GPATCH1: variants seen among roughly 807,000 people sequenced by gnomAD.
The protein encoded by GPATCH1 is G-patch domain containing 1, also known as G patch domain-containing protein 1.
GPATCH1 carries 73 observed loss-of-function variants against 114.9 expected under a neutral mutation model. That is an observed-to-expected ratio of 0.64 (90% confidence interval 0.53 to 0.77). GPATCH1 has a LOEUF of 0.77. GPATCH1 is among the 30% of genes least tolerant of loss of function. The pLI, the probability that GPATCH1 is intolerant of heterozygous loss-of-function variation, is 0.00. For synonymous variants in GPATCH1, 391 were observed against 428.4 expected, an observed-to-expected ratio of 0.91 and a Z score of 1.08; for missense variants, 1,058 against 1,144.3, an observed-to-expected ratio of 0.92 and a Z score of 1.09.
At chr19:33,118,176 ATTTTTT>A (rs35859593) in intron 16 of GPATCH1, 135 bp downstream of exon 16, 51 of 277,636 alleles carry the variant, frequency 1.8e-4, no homozygotes, top group East Asian at 9.0e-4. Context: ...TATGTATATA[ATTTTTT>A]TTTTTTTTTT....
rs1049550031 is a variant in GPATCH1, at chr19:33,090,685, T to C, written c.209-95T>C. 12 of 731,808 alleles carry C rather than the reference T, an allele frequency of 1.6e-5. No individual in the cohort carries two copies. In the African/African-American group the frequency reaches 1.7e-4, roughly 11 times the overall value. 45.3% of individuals were successfully genotyped at this position (731,808 alleles called of 1,614,324 possible). A position where few individuals can be genotyped will look rare whatever the true frequency, so the allele number is the denominator to read the frequency against. ...GGAAGTAGCTAAGAGTTTATAGTTA[T>C]TGGGAATTTCAAGTCCATACATGTT... On this transcript the variant is annotated intron_variant, in intron 2 of 19. Coordinates refer to ENST00000170564, the MANE Select transcript of GPATCH1 (RefSeq NM_018025.3).
At chr19:33,112,007 C>T in intron 12 of GPATCH1, 105 bp downstream of exon 12, 1 of 859,746 alleles carries the variant, frequency 1.2e-6, no homozygotes, top group Non-Finnish European at 1.8e-6. Context: ...TCTCTGTCGC[C>T]CAGGCTAGAG....
Position 33,114,354 on chromosome 19 carries a change from AAAC to A in GPATCH1, c.2136_2138del (p.Gln713del). On this transcript the variant is annotated inframe_deletion, in exon 15 of 20. Coordinates refer to ENST00000170564, the MANE Select transcript of GPATCH1 (RefSeq NM_018025.3). ...GGCTAGATCAAAAGCCGAGCCACCT[AAAC>A]AACAGTCCAGCCCCTTAGTAAACAA... 5 of 1,613,612 alleles carry A rather than the reference AAAC, an allele frequency of 3.1e-6. No individual in the cohort carries two copies. The highest frequency in any genetic ancestry group is 4.2e-6 in the Non-Finnish European group (5 of 1,179,734).
intron 6 of GPATCH1, 73 bp downstream of exon 6, chr19:33,095,893 G>A (rs1972652541): frequency 9.0e-7 from 1 of 1,109,438 alleles, no homozygotes; most frequent in Admixed American, 1.7e-5. Flanking sequence ...AAATTTGGTT[G>A]GAGACAATTT....
chr19:33,101,586 T>C lies in GPATCH1; in HGVS notation c.1080+12T>C, dbSNP rs773268899. ...TATCTTCTAAGAAAGTAAGAAAAAC[T>C]TTTTTTCTTTCTTTTTTTACTGGTT... On this transcript the variant is annotated intron_variant, in intron 9 of 19. Transcript: ENST00000170564. The C allele has an allele frequency of 4.3e-6, 6 of 1,388,774 alleles. No homozygotes were observed. Among genetic ancestry groups the C allele is most frequent in the Admixed American group, 1.8e-5 (1 of 56,432 alleles). 86.0% of individuals were successfully genotyped at this position (1,388,774 alleles called of 1,614,324 possible).
chr19:33,089,226 G>A (rs1599850500), intron 2 of GPATCH1, among the ~76,000 whole-genome samples: 1 of 152,178 alleles, frequency 6.6e-6, no homozygotes, highest in South Asian at 2.1e-4. Context: ...GAGGGCAGGT[G>A]TCACAGGGAT....
At chr19:33,125,620 C>T (rs10405757) in intron 18 of GPATCH1, among the ~76,000 whole-genome samples, 6 of 151,694 alleles carry the variant, frequency 4.0e-5, no homozygotes, top group Admixed American at 2.6e-4. Flanking sequence ...TCCTGACCTC[C>T]GGTGATCTAC....
At position 33,093,372 on chromosome 19, in the gene GPATCH1, T is replaced by C; in HGVS notation, c.308T>C (p.Phe103Ser). The change falls in exon 4 of 20, where the codon TTT becomes TCT. Residue 103 changes from phenylalanine (F) to serine (S), a missense_variant. Physicochemically the swap from Phe to Ser is radical, Grantham distance 155. Around this residue, in one of 3 missense-constraint regions of GPATCH1, gnomAD observed 34 missense variants for 59.6 expected, o/e 0.57. Coordinates refer to ENST00000170564, the MANE Select transcript of GPATCH1 (RefSeq NM_018025.3). Reference sequence around the variant, plus strand: ...ATTTTTTTGAAGGATCTTAGTGAATTTGGGATAGCACCTAAAGCGATTGTC... The same window carrying C: ...ATTTTTTTGAAGGATCTTAGTGAATCTGGGATAGCACCTAAAGCGATTGTC... ...DFMDEEDLSEFGIAPKAIVTT... is the reference protein window; with the variant it reads ...DFMDEEDLSESGIAPKAIVTT... 1.2e-6 allele frequency: 2 copies of C among 1,611,406 alleles called. No homozygotes were observed. The highest frequency in any genetic ancestry group is 1.1e-5 in the South Asian group (1 of 90,778).
intron 8 of GPATCH1, among the ~76,000 whole-genome samples, chr19:33,100,644 G>T: frequency 6.6e-6 from 1 of 150,460 alleles, no homozygotes; most frequent in Non-Finnish European, 1.5e-5. Flanking sequence ...GAATGGTTTT[G>T]TGGGGAGGGG....
At chr19:33,088,981 C>T (rs1475672405) in intron 2 of GPATCH1, among the ~76,000 whole-genome samples, 1 of 152,112 alleles carries the variant, frequency 6.6e-6, no homozygotes, top group Non-Finnish European at 1.5e-5. Flanking sequence ...ACTGTAACCT[C>T]TTGTGTTCTT....
intron 17 of GPATCH1, among the ~76,000 whole-genome samples, chr19:33,119,886 A>G (rs1972957698): frequency 1.4e-5 from 2 of 147,052 alleles, no homozygotes; most frequent in Middle Eastern, 3.6e-3. Context: ...ATAAAATTTT[A>G]TAAAAATATA....
intron 17 of GPATCH1, among the ~76,000 whole-genome samples, chr19:33,120,292 T>TAAA (rs1568350186): frequency 6.7e-5 from 9 of 135,198 alleles, no homozygotes; most frequent in Non-Finnish European, 1.1e-4. Context: ...AAAAATTATA[T>TAAA]ATAAAATTAT....
intron 15 of GPATCH1, among the ~76,000 whole-genome samples, chr19:33,115,254 T>TTC (rs1972905227): frequency 9.1e-6 from 1 of 110,018 alleles, no homozygotes; most frequent in East Asian, 3.0e-4. Flanking sequence ...TTTTTTTTTT[T>TTC]TTCAGAGAAA....
intron 11 of GPATCH1, among the ~76,000 whole-genome samples, chr19:33,111,483 C>T (rs1972853196): frequency 1.3e-5 from 2 of 151,806 alleles, no homozygotes. Flanking sequence ...CCTCGGCCTC[C>T]CAAAGTGCTG....
chr19:33,121,001 A>T (rs1038978780), intron 17 of GPATCH1, among the ~76,000 whole-genome samples: 31 of 152,094 alleles, frequency 2.0e-4, no homozygotes, highest in African/African-American at 3.9e-4. Context: ...AAAAATAAAT[A>T]AATTAATTAA....
chr19:33,115,552 T>C lies in GPATCH1; in HGVS notation c.2196+1133T>C, dbSNP rs1972908262. On this transcript the variant is annotated intron_variant, in intron 15 of 19. Coordinates refer to ENST00000170564, the MANE Select transcript of GPATCH1 (RefSeq NM_018025.3). Reference sequence around the variant, plus strand: ...TCTTCTTGCCCAGGCTGGAGTACAATGGCACTGTCTCGGCTCACCGCAACC... The same window carrying C: ...TCTTCTTGCCCAGGCTGGAGTACAACGGCACTGTCTCGGCTCACCGCAACC... 2.0e-5 allele frequency among the ~76,000 whole-genome samples: 3 copies of C among 151,556 alleles called. No individual in the cohort carries two copies. In the South Asian group the frequency reaches 6.3e-4, roughly 32 times the overall value.
In GPATCH1 at chr19:33,126,667, CCG is replaced by C; in HGVS notation, c.2700_2701del (p.Asp901GlnfsTer7). On this transcript the variant is annotated frameshift_variant, in exon 19 of 20. Coordinates refer to ENST00000170564, the MANE Select transcript of GPATCH1 (RefSeq NM_018025.3). LOFTEE classifies it high-confidence loss of function. Reference sequence around the variant, plus strand: ...GAGAAAAGTAGTAGCTCCGAGAGTTCCGACAGCAGCGACAGCCAGAGTGACGA... The same window carrying C: ...GAGAAAAGTAGTAGCTCCGAGAGTTCACAGCAGCGACAGCCAGAGTGACGA... The C allele has an allele frequency of 2.5e-6, 4 of 1,614,064 alleles. No homozygotes were observed. The highest frequency in any genetic ancestry group is 3.4e-6 in the Non-Finnish European group (4 of 1,180,016).
intron 1 of GPATCH1, among the ~76,000 whole-genome samples, chr19:33,086,487 A>G (rs910230877): frequency 6.6e-6 from 1 of 151,838 alleles, no homozygotes; most frequent in South Asian, 2.1e-4. Flanking sequence ...TTTTTTTGAG[A>G]CAGAATCTCA....
intron 14 of GPATCH1, 134 bp downstream of exon 14, chr19:33,114,037 C>A: frequency 1.1e-6 from 1 of 879,644 alleles, no homozygotes; most frequent in Non-Finnish European, 1.8e-6. Flanking sequence ...GGGAATTACT[C>A]TTACTAATAA....
Sources: gnomAD v4.1 joint callset for allele counts (sites outside exome capture counted in the v4.1 genomes callset) on GRCh38, gnomAD v4.1.1 for gene constraint, gnomAD v4.1.1 regional missense constraint, MANE v1.5 for transcripts, NCBI Gene and HGNC (gene_info 2026-07-23, HGNC 2026-07-21) for gene names.